AGBL3: variants seen among roughly 807,000 people sequenced by gnomAD.
The protein encoded by AGBL3 is AGBL carboxypeptidase 3, also known as cytosolic carboxypeptidase 3.
In AGBL3, 68 loss-of-function variants were observed where a neutral mutation model predicts 94.5. That is an observed-to-expected ratio of 0.72 (90% CI 0.59 to 0.88). AGBL3 has a LOEUF of 0.88. AGBL3 is among the 40% of genes least tolerant of loss of function. The probability of loss-of-function intolerance (pLI) is 0.00; values close to 1 mark genes in which losing one functional copy is unlikely to be tolerated. For missense variants in AGBL3, 934 were observed against 1,103.8 expected, an observed-to-expected ratio of 0.85 and a Z score of 2.18; for synonymous variants, 354 against 370.7, an observed-to-expected ratio of 0.95 and a Z score of 0.52.
chr7:135,093,417 A>G (rs1822163167), intron 15 of AGBL3: 1 of 152,318 alleles, frequency 6.6e-6, no homozygotes, highest in South Asian at 2.1e-4. Flanking sequence ...TGTGAATTAC[A>G]TCTCAAAAAC....
At chr7:135,076,070 G>C (rs1257419809) in intron 12 of AGBL3, among the ~76,000 whole-genome samples, 3 of 152,166 alleles carry the variant, frequency 2.0e-5, no homozygotes, top group Admixed American at 2.0e-4. Flanking sequence ...GGCTTATGTA[G>C]GGATTTTTTT....
At chr7:134,987,514 A>G (rs1241817421) in intron 1 of AGBL3, among the ~76,000 whole-genome samples, 1 of 152,228 alleles carries the variant, frequency 6.6e-6, no homozygotes, top group Non-Finnish European at 1.5e-5. Flanking sequence ...TTATATTGCT[A>G]CATTTCAGTA....
intron 11 of AGBL3, among the ~76,000 whole-genome samples, chr7:135,051,743 G>GA (rs776074110): frequency 1.3e-5 from 2 of 151,706 alleles, no homozygotes; most frequent in African/African-American, 2.4e-5. Flanking sequence ...CTCTTATACT[G>GA]AAAAAATCTT....
intron 5 of AGBL3, among the ~76,000 whole-genome samples, chr7:135,032,429 T>G (rs1287775827): frequency 6.6e-6 from 1 of 151,428 alleles, no homozygotes; most frequent in African/African-American, 2.4e-5. Flanking sequence ...CTCAGCCTCC[T>G]GGGTAGCTGG....
At chr7:135,049,607 G>A (rs1030421403) in intron 11 of AGBL3, among the ~76,000 whole-genome samples, 7 of 151,908 alleles carry the variant, frequency 4.6e-5, no homozygotes, top group African/African-American at 1.7e-4. Flanking sequence ...TTATAGGCCT[G>A]TTCAGACTTT....
chr7:134,990,705 A>T (rs1397757615), intron 3 of AGBL3, among the ~76,000 whole-genome samples: 1 of 152,222 alleles, frequency 6.6e-6, no homozygotes, highest in Admixed American at 6.5e-5. Flanking sequence ...ATTCCCAGCA[A>T]TGTGTTATTT....
intron 4 of AGBL3, among the ~76,000 whole-genome samples, chr7:134,994,538 GTTGA>G (rs1810731983): frequency 6.6e-6 from 1 of 152,008 alleles, no homozygotes; most frequent in Non-Finnish European, 1.5e-5. Context: ...TCCACCTTTT[GTTGA>G]TTGAGGCACG....
chr7:135,043,462 G>A (rs1817057269), intron 8 of AGBL3, among the ~76,000 whole-genome samples: 1 of 152,164 alleles, frequency 6.6e-6, no homozygotes, highest in African/African-American at 2.4e-5. Context: ...AAAGGTAGTG[G>A]AGGAGGGCAG....
intron 16 of AGBL3, among the ~76,000 whole-genome samples, chr7:135,123,186 T>C (rs1203925985): frequency 6.6e-6 from 1 of 152,038 alleles, no homozygotes; most frequent in Admixed American, 6.6e-5. Context: ...AATAACCAGT[T>C]TAGAGAGGAA....
intron 4 of AGBL3, among the ~76,000 whole-genome samples, chr7:135,004,577 T>A (rs1350773721): frequency 6.6e-6 from 1 of 151,644 alleles, no homozygotes; most frequent in Non-Finnish European, 1.5e-5. Context: ...ACTTCTCAGT[T>A]TCTTCTTTGT....
At chr7:135,037,383 G>C in intron 7 of AGBL3, 35 bp from the exon 8 acceptor site, 1 of 1,511,146 alleles carries the variant, frequency 6.6e-7, no homozygotes, top group Middle Eastern at 2.2e-4. Flanking sequence ...AAAATGCAGA[G>C]ATAAAAGTTA....
At chr7:135,134,817 T>C in intron 16 of AGBL3, 24 bp from the exon 17 acceptor site, 6 of 1,542,034 alleles carry the variant, frequency 3.9e-6, no homozygotes, top group Non-Finnish European at 5.3e-6. Context: ...GGACAAAAAT[T>C]CACGTATTTC....
At position 135,135,675 on chromosome 7, in the gene AGBL3, T is replaced by C. The variant is rs1829317403; in HGVS notation, c.*414T>C. The C allele has an allele frequency of 6.5e-6, 1 of 154,884 alleles. No homozygotes were observed. The highest frequency in any genetic ancestry group is 1.4e-5 in the Non-Finnish European group (1 of 69,894). The allele number at this position is 154,884 out of a possible 1,614,324, so 9.6% of individuals were successfully genotyped here. A position where few individuals can be genotyped will look rare whatever the true frequency, so the allele number is the denominator to read the frequency against. ...GTCAACAAACATCATTTCCTGATTT[T>C]CTGTTATATCATTAGTGTGCTAGGA... On this transcript the variant is annotated 3_prime_UTR_variant, in exon 17 of 17. Coordinates refer to ENST00000436302, the MANE Select transcript of AGBL3 (RefSeq NM_178563.4).
At chr7:135,116,432 G>T (rs1826321853) in intron 16 of AGBL3, among the ~76,000 whole-genome samples, 1 of 152,122 alleles carries the variant, frequency 6.6e-6, no homozygotes. Flanking sequence ...ACTTTCATAA[G>T]AAAATGGGTG....
chr7:134,999,813 G>C (rs976673610), intron 4 of AGBL3, among the ~76,000 whole-genome samples: 3 of 152,218 alleles, frequency 2.0e-5, no homozygotes, highest in African/African-American at 4.8e-5. Context: ...ATATAGTTCA[G>C]CCTGAGCAGA....
At chr7:135,112,105 C>G (rs191610564) in intron 15 of AGBL3, among the ~76,000 whole-genome samples, 42 of 152,306 alleles carry the variant, frequency 2.8e-4, no homozygotes, top group Non-Finnish European at 5.3e-4. Context: ...GAAGCTCTAT[C>G]CATTCTACCT....
intron 15 of AGBL3, among the ~76,000 whole-genome samples, chr7:135,110,916 C>G (rs1260845231): frequency 1.3e-5 from 2 of 152,108 alleles, no homozygotes. Context: ...ATTACAGAGC[C>G]CTGCTGGAGA....
intron 12 of AGBL3, among the ~76,000 whole-genome samples, chr7:135,074,975 T>C (rs946488965): frequency 1.3e-5 from 2 of 152,202 alleles, no homozygotes; most frequent in Non-Finnish European, 2.9e-5. Context: ...AGATGAAACA[T>C]AATACCAATT....
intron 12 of AGBL3, among the ~76,000 whole-genome samples, chr7:135,063,483 G>C (rs1045969025): frequency 6.6e-6 from 1 of 151,852 alleles, no homozygotes; most frequent in Admixed American, 6.6e-5. Flanking sequence ...CAGCTCAAAA[G>C]ATCTTCTTTT....
Sources: gnomAD v4.1 joint callset for allele counts (sites outside exome capture counted in the v4.1 genomes callset) on GRCh38, gnomAD v4.1.1 for gene constraint, MANE v1.5 for transcripts, NCBI Gene and HGNC (gene_info 2026-07-23, HGNC 2026-07-21) for gene names.